Variants in PGCKA1 observed in about 807,000 individuals in gnomAD.
PGCKA1 encodes PDCD10 and GCKIII kinases associated 1.
the PGCKA1 span, among the ~76,000 whole-genome samples, chr4:37,505,382 T>C: frequency 6.6e-6 from 1 of 152,250 alleles, no homozygotes. Flanking sequence ...TTTTTTTTGT[T>C]TTTTGTTTTT....
the PGCKA1 span, chr4:37,590,840 A>G: frequency 6.2e-7 from 1 of 1,614,256 alleles, no homozygotes; most frequent in Non-Finnish European, 8.5e-7. Flanking sequence ...GGTCCTGTTC[A>G]TGCCATGCCT....
chr4:37,456,081 C>T, the PGCKA1 span, among the ~76,000 whole-genome samples: 2 of 148,068 alleles, frequency 1.4e-5, no homozygotes, highest in African/African-American at 5.3e-5. Flanking sequence ...TCTTTTTGGT[C>T]ATTCTTTTTG....
the PGCKA1 span, among the ~76,000 whole-genome samples, chr4:37,589,491 G>C: frequency 6.6e-6 from 1 of 152,012 alleles, no homozygotes. Context: ...CCACTGAGAG[G>C]ATATACTCCT....
chr4:37,562,969 C>T, the PGCKA1 span, among the ~76,000 whole-genome samples: 7 of 152,120 alleles, frequency 4.6e-5, no homozygotes, highest in Non-Finnish European at 8.8e-5. Context: ...GCCTCTAAAC[C>T]GTGCTCAGTC....
At chr4:37,477,739 C>G in the PGCKA1 span, among the ~76,000 whole-genome samples, 6 of 152,126 alleles carry the variant, frequency 3.9e-5, no homozygotes, top group Non-Finnish European at 5.9e-5. Context: ...GGGAATTTAC[C>G]TTGCCTACAG....
At chr4:37,563,888 G>A in the PGCKA1 span, among the ~76,000 whole-genome samples, 1 of 152,084 alleles carries the variant, frequency 6.6e-6, no homozygotes, top group African/African-American at 2.4e-5. Context: ...ATGGAGACAC[G>A]GCCCAGTTCC....
chr4:37,554,645 G>T, the PGCKA1 span, among the ~76,000 whole-genome samples: 2 of 152,130 alleles, frequency 1.3e-5, no homozygotes, highest in African/African-American at 4.8e-5. Context: ...ACCACACCCG[G>T]CCTAGAAATA....
At chr4:37,538,067 T>TCACACACACACA in the PGCKA1 span, among the ~76,000 whole-genome samples, 1,046 of 150,204 alleles carry the variant, frequency 7.0e-3, 16 homozygotes, top group African/African-American at 0.025. Context: ...CACAACCCTG[T>TCACACACACACA]CACACACACA....
chr4:37,483,871 C>T, the PGCKA1 span, among the ~76,000 whole-genome samples: 1 of 152,174 alleles, frequency 6.6e-6, no homozygotes, highest in African/African-American at 2.4e-5. Context: ...TTGTGAGATG[C>T]ATGGGAACTA....
chr4:37,501,104 C>T, the PGCKA1 span, among the ~76,000 whole-genome samples: 1 of 152,082 alleles, frequency 6.6e-6, no homozygotes, highest in Non-Finnish European at 1.5e-5. Context: ...GGGCATTTAG[C>T]CCATTTACAT....
chr4:37,545,366 T>A, the PGCKA1 span, among the ~76,000 whole-genome samples: 3 of 152,272 alleles, frequency 2.0e-5, no homozygotes, highest in East Asian at 5.8e-4. Flanking sequence ...AGAAACCCTG[T>A]TTCACCCTTT....
the PGCKA1 span, among the ~76,000 whole-genome samples, chr4:37,528,431 A>G: frequency 6.6e-6 from 1 of 152,194 alleles, no homozygotes; most frequent in Non-Finnish European, 1.5e-5. Flanking sequence ...TTTGCTTTTA[A>G]TGATTGCATA....
chr4:37,456,680 A>G, the PGCKA1 span, among the ~76,000 whole-genome samples: 95 of 152,230 alleles, frequency 6.2e-4, no homozygotes, highest in Non-Finnish European at 1.1e-3. Context: ...GACACCAGAG[A>G]GTCGATGAGT....
the PGCKA1 span, chr4:37,590,115 C>G: frequency 4.2e-4 from 681 of 1,613,798 alleles, no homozygotes; most frequent in Admixed American, 7.2e-4. Flanking sequence ...TTCAAGTGCC[C>G]TCTCCTGGCT....
chr4:37,547,300 T>A, the PGCKA1 span, among the ~76,000 whole-genome samples: 1 of 152,226 alleles, frequency 6.6e-6, no homozygotes, highest in Non-Finnish European at 1.5e-5. Flanking sequence ...GGTTTTGACC[T>A]GGCTTGGATT....
the PGCKA1 span, among the ~76,000 whole-genome samples, chr4:37,541,259 C>T: frequency 1.3e-5 from 2 of 152,176 alleles, no homozygotes; most frequent in Admixed American, 1.3e-4. Context: ...CCTTCCCTTC[C>T]TCCCATGCTT....
At chr4:37,490,561 T>G in the PGCKA1 span, among the ~76,000 whole-genome samples, 4 of 152,256 alleles carry the variant, frequency 2.6e-5, no homozygotes, top group African/African-American at 9.6e-5. Context: ...CAGGTAAATA[T>G]TAACTTTTAG....
chr4:37,503,821 G>A, the PGCKA1 span, among the ~76,000 whole-genome samples: 9 of 152,132 alleles, frequency 5.9e-5, no homozygotes, highest in Non-Finnish European at 1.3e-4. Flanking sequence ...TTCCTATGGA[G>A]TTGTTTCAGC....
At chr4:37,530,977 T>C in the PGCKA1 span, among the ~76,000 whole-genome samples, 1 of 151,978 alleles carries the variant, frequency 6.6e-6, no homozygotes, top group African/African-American at 2.4e-5. Context: ...AGAACGAGAC[T>C]CTGTCTCAAA....
Sources: gnomAD v4.1 joint callset for allele counts (sites outside exome capture counted in the v4.1 genomes callset) on GRCh38, gnomAD v4.1.1 for gene constraint, MANE v1.5 for transcripts, NCBI Gene and HGNC (gene_info 2026-07-23, HGNC 2026-07-21) for gene names.